The following OVCH1 variants were observed in gnomAD, a reference collection of about 807,000 sequenced individuals.
The protein encoded by OVCH1 is ovochymase-1.
In OVCH1, 139 loss-of-function variants were observed where a neutral mutation model predicts 138.4. The observed-to-expected ratio is 1.00, with a 90% CI of 0.87 to 1.16. The LOEUF (loss-of-function observed/expected upper bound fraction) is 1.16. OVCH1 is among the 50% of genes most tolerant of loss of function. OVCH1 has a pLI of 0.00. For synonymous variants in OVCH1, 453 were observed against 467.8 expected, an observed-to-expected ratio of 0.97 and a Z score of 0.41; for missense variants, 1,367 against 1,357.9, an observed-to-expected ratio of 1.01 and a Z score of -0.11.
rs971791965 is a variant in OVCH1, at chr12:29,484,824, G to A, written c.995+1422C>T. On this transcript the variant is annotated intron_variant, in intron 8 of 27. Transcript: ENST00000318184. Reference sequence around the variant, plus strand: ...ATCTTCAAAAACATGGGAAAAAGCCGATCATTTGCCTCACCCATAGACAAC... The same window carrying A: ...ATCTTCAAAAACATGGGAAAAAGCCAATCATTTGCCTCACCCATAGACAAC... Among the ~76,000 whole-genome samples, 6 of 152,180 alleles carry A rather than the reference G, an allele frequency of 3.9e-5. No individual in the cohort carries two copies. In the South Asian group the frequency reaches 6.2e-4, roughly 16 times the overall value.
chr12:29,433,341 G>A (rs1018792047), intron 27 of OVCH1, among the ~76,000 whole-genome samples: 3 of 152,068 alleles, frequency 2.0e-5, no homozygotes, highest in Non-Finnish European at 2.9e-5. Context: ...TTTATAAAAG[G>A]CAGTTCCCCA....
rs369568753 is a variant in OVCH1 at position 29,454,800 on chromosome 12, C to G, written c.2530+41G>C. 1.3e-5 allele frequency: 20 copies of G among 1,530,074 alleles called. No individual in the cohort carries two copies. In the African/African-American group the frequency reaches 2.5e-4, roughly 19 times the overall value. 94.8% of individuals were successfully genotyped at this position (1,530,074 alleles called of 1,614,324 possible). A position where few individuals can be genotyped will look rare whatever the true frequency, so the allele number is the denominator to read the frequency against. ...GACAGACAATGCTTCTTGCCAAATTCTGGCTGAAAGTATTAATGGGATAAT... is the reference window on the plus strand; with the variant it reads ...GACAGACAATGCTTCTTGCCAAATTGTGGCTGAAAGTATTAATGGGATAAT... On this transcript the variant is annotated intron_variant, in intron 21 of 27. Transcript: ENST00000318184.
chr12:29,410,640 C>G (rs1168475196), downstream of OVCH1, among the ~76,000 whole-genome samples: 7 of 146,544 alleles, frequency 4.8e-5, no homozygotes. Flanking sequence ...ATATTGGCCC[C>G]CACTCTCTTC....
downstream of OVCH1, among the ~76,000 whole-genome samples, chr12:29,424,654 A>G (rs138412154): frequency 2.0e-5 from 3 of 152,272 alleles, no homozygotes; most frequent in East Asian, 3.9e-4. Flanking sequence ...CTTATTAACT[A>G]TATGGCAAGC....
chr12:29,410,293 C>A (rs966666706), downstream of OVCH1, among the ~76,000 whole-genome samples: 1 of 149,888 alleles, frequency 6.7e-6, no homozygotes, highest in Non-Finnish European at 1.5e-5. Context: ...TTAATTGGAG[C>A]ATTTAGTCCA....
At chr12:29,470,781 G>A (rs1355106545) in intron 16 of OVCH1, among the ~76,000 whole-genome samples, 1 of 152,146 alleles carries the variant, frequency 6.6e-6, no homozygotes, top group Non-Finnish European at 1.5e-5. Context: ...CTAGGTCCTT[G>A]AGGAATCGCC....
downstream of OVCH1, among the ~76,000 whole-genome samples, chr12:29,412,095 T>C (rs61917239): frequency 0.56 from 85,527 of 151,814 alleles, 26,169 homozygotes; most frequent in Middle Eastern, 0.78. Context: ...TCCATGGGCG[T>C]AGGACCCTCT....
At chr12:29,429,633 A>T (rs541469860) in intron 27 of OVCH1, among the ~76,000 whole-genome samples, 19 of 152,334 alleles carry the variant, frequency 1.2e-4, no homozygotes, top group African/African-American at 4.6e-4. Context: ...AAAGTCTTTA[A>T]TCATGGCCTT....
At chr12:29,443,286 C>G in intron 25 of OVCH1, 75 bp downstream of exon 25, 1 of 1,456,924 alleles carries the variant, frequency 6.9e-7, no homozygotes, top group Non-Finnish European at 9.3e-7. Flanking sequence ...AAGCCACATA[C>G]TGAATATGAA....
intron 8 of OVCH1, among the ~76,000 whole-genome samples, chr12:29,480,884 G>A (rs4931192): frequency 0.057 from 8,674 of 152,198 alleles, 324 homozygotes; most frequent in Non-Finnish European, 0.084. Flanking sequence ...CACTGACTGT[G>A]CAAATTGGCC....
At position 29,477,083 on chromosome 12, in the gene OVCH1, C is replaced by G. The variant is rs371429909; in HGVS notation, c.1377+19G>C. The G allele has an allele frequency of 6.3e-7, 1 of 1,575,922 alleles. No homozygotes were observed. The highest frequency in any genetic ancestry group is 1.3e-5 in the African/African-American group (1 of 74,236). ...TAACTCTATTCTTTATGAGGTAGAG[C>G]GATTCCTCAGTTGCCTACCTTTATA... On this transcript the variant is annotated intron_variant, in intron 12 of 27. Coordinates refer to ENST00000318184, the Ensembl canonical transcript of OVCH1.
At chr12:29,456,578 C>A (rs976995584) in intron 19 of OVCH1, among the ~76,000 whole-genome samples, 5 of 152,116 alleles carry the variant, frequency 3.3e-5, no homozygotes, top group Admixed American at 6.5e-5. Context: ...ATTAAGGGAA[C>A]CAAAATATGT....
intron 27 of OVCH1, among the ~76,000 whole-genome samples, chr12:29,431,215 T>C (rs549930304): frequency 2.0e-4 from 31 of 152,234 alleles, no homozygotes; most frequent in Non-Finnish European, 2.9e-4. Context: ...GGCAGGAAGA[T>C]TGCTTGAGCC....
At chr12:29,416,676 A>G (rs1427797678) in intron 3 of OVCH1, among the ~76,000 whole-genome samples, 6 of 152,232 alleles carry the variant, frequency 3.9e-5, no homozygotes. Flanking sequence ...GAGGATGCAG[A>G]AAAACTAGGT....
At chr12:29,476,880 G>C (rs1280629470) in intron 12 of OVCH1, among the ~76,000 whole-genome samples, 2 of 151,588 alleles carry the variant, frequency 1.3e-5, no homozygotes, top group African/African-American at 4.9e-5. Flanking sequence ...GGGTAGAATG[G>C]GAATCTGATG....
At chr12:29,454,317 G>A (rs142623656) in intron 21 of OVCH1, among the ~76,000 whole-genome samples, 2 of 152,242 alleles carry the variant, frequency 1.3e-5, no homozygotes, top group Non-Finnish European at 2.9e-5. Context: ...AAGAAAGACT[G>A]ACCATTTGGA....
chr12:29,405,681 A>G, the OVCH1 span, among the ~76,000 whole-genome samples: 1 of 152,230 alleles, frequency 6.6e-6, no homozygotes, highest in African/African-American at 2.4e-5. Context: ...TATCTTCACT[A>G]CGGTTCTAGG....
chr12:29,438,324 C>T (rs1206008876), intron 26 of OVCH1, among the ~76,000 whole-genome samples: 2 of 152,048 alleles, frequency 1.3e-5, no homozygotes, highest in Non-Finnish European at 1.5e-5. Flanking sequence ...GTTTTAATTA[C>T]CATGGTTTTA....
intron 14 of OVCH1, among the ~76,000 whole-genome samples, chr12:29,474,696 T>G (rs1051244085): frequency 2.0e-5 from 3 of 152,186 alleles, no homozygotes; most frequent in Non-Finnish European, 4.4e-5. Context: ...TCTTCCAGAG[T>G]GCCAGGATAC....
Sources: allele counts gnomAD v4.1 joint callset (sites outside exome capture counted in the v4.1 genomes callset), GRCh38; gene constraint gnomAD v4.1.1; transcripts MANE v1.5; gene names NCBI Gene and HGNC (gene_info 2026-07-23, HGNC 2026-07-21).